The following LRRC8B variants were observed in gnomAD, a reference collection of about 807,000 sequenced individuals.
LRRC8B encodes the protein leucine rich repeat containing 8 VRAC subunit B.
Under a neutral mutation model 58.8 loss-of-function variants are expected in LRRC8B, and 23 were observed. The observed-to-expected ratio is 0.39, with a 90% CI of 0.28 to 0.55. The LOEUF is 0.55. Among genes scored for constraint, LRRC8B ranks in the 20% least tolerant of loss-of-function variants. The pLI is 0.62. For missense variants in LRRC8B, 694 were observed against 936.0 expected (o/e 0.74, Z 3.37); for synonymous variants, 359 against 374.1 (o/e 0.96, Z 0.47).
Position 89,584,000 on chromosome 1 carries a change from C to A in LRRC8B, c.1350C>A (p.Ile450=), listed in dbSNP as rs1012947829. The part of the protein sequence containing the change: ...TEMEVLSLEL[I]PEVKLPSAVS... Reference sequence around the variant, plus strand: ...TGGAAGTGCTAAGCCTGGAGCTTATCCCAGAGGTGAAGCTGCCCTCTGCAG... The same window carrying A: ...TGGAAGTGCTAAGCCTGGAGCTTATACCAGAGGTGAAGCTGCCCTCTGCAG... Residue 450 remains isoleucine (I), a synonymous_variant, in exon 5 of 6, where the codon ATC becomes ATA. Transcript: ENST00000330947. The surrounding 1 kb of genome is among the most constrained non-coding windows in gnomAD (Gnocchi z 5.2). 3.1e-6 allele frequency: 5 copies of A among 1,614,094 alleles called. No homozygotes were observed. Among genetic ancestry groups the A allele is most frequent in the Middle Eastern group, 1.6e-4 (1 of 6,082 alleles).
chr1:89,530,613 A>G (rs1369375981), intron 1 of LRRC8B, among the ~76,000 whole-genome samples: 5 of 152,266 alleles, frequency 3.3e-5, no homozygotes, highest in Non-Finnish European at 5.9e-5. Flanking sequence ...TTGAAACCAT[A>G]TGGCTGAATG....
chr1:89,536,834 T>G (rs1557592844), intron 1 of LRRC8B, among the ~76,000 whole-genome samples: 2 of 152,174 alleles, frequency 1.3e-5, no homozygotes, highest in Non-Finnish European at 2.9e-5. Context: ...GTCATGGTAT[T>G]CCAAGTTGTG....
chr1:89,568,883 A>G (rs1358891885), intron 3 of LRRC8B, among the ~76,000 whole-genome samples: 1 of 152,166 alleles, frequency 6.6e-6, no homozygotes, highest in African/African-American at 2.4e-5. Flanking sequence ...TTTTAATGCT[A>G]CCATAGATTT....
At chr1:89,558,735 T>C (rs1369227438) in intron 1 of LRRC8B, 2 of 152,290 alleles carry the variant, frequency 1.3e-5, no homozygotes, top group Non-Finnish European at 2.9e-5. Context: ...AGGTCCAAGA[T>C]CAAGATACTA....
chr1:89,578,579 C>T (rs1654015101), intron 3 of LRRC8B, among the ~76,000 whole-genome samples: 1 of 152,086 alleles, frequency 6.6e-6, no homozygotes, highest in South Asian at 2.1e-4. Context: ...ACTTGGTAAA[C>T]CCAAAGTAAG....
chr1:89,580,902 G>A (rs1439361493), intron 4 of LRRC8B, among the ~76,000 whole-genome samples: 1 of 152,120 alleles, frequency 6.6e-6, no homozygotes, highest in Non-Finnish European at 1.5e-5. Context: ...AATATGCTGA[G>A]GATGAGACTT....
chr1:89,529,567 A>G (rs978417256), intron 1 of LRRC8B, among the ~76,000 whole-genome samples: 1 of 152,208 alleles, frequency 6.6e-6, no homozygotes, highest in Non-Finnish European at 1.5e-5. Flanking sequence ...AAAGTGCTTA[A>G]TACTGTCCTC....
At position 89,530,431 on chromosome 1, in the gene LRRC8B, ACT is replaced by A. The variant is rs1314185058; in HGVS notation, c.-241+5411_-241+5412del. Among the ~76,000 whole-genome samples the A allele has an allele frequency of 7.2e-5, 11 of 152,038 alleles. No individual in the cohort carries two copies. The East Asian group carries it at 2.1e-3, about 29-fold the overall frequency. On this transcript the variant is annotated intron_variant, in intron 1 of 5. Coordinates refer to ENST00000330947, the MANE Select transcript of LRRC8B (RefSeq NM_001369817.2). ...TAATAATATAACTTCTCAATATGACACTCAGGAATAATCTAATTCTTTTACAG... is the reference window on the plus strand; with the variant it reads ...TAATAATATAACTTCTCAATATGACACAGGAATAATCTAATTCTTTTACAG...
Position 89,592,963 on chromosome 1 carries a change from C to G in LRRC8B, c.2332C>G (p.Leu778Val), listed in dbSNP as rs762493379. 3 of 1,614,132 alleles carry G rather than the reference C, an allele frequency of 1.9e-6. No individual in the cohort carries two copies. The highest frequency in any genetic ancestry group is 2.5e-6 in the Non-Finnish European group (3 of 1,180,004). ...EGCQSLKRNC[L>V]IVEENLLNTL... ...ATGTCAGTCCCTAAAACGGAACTGT[C>G]TGATTGTTGAGGAGAACTTGCTCAA... The change falls in exon 6 of 6, where the codon CTG becomes GTG. Residue 778 changes from leucine (L) to valine (V), a missense_variant. Transcript: ENST00000330947.
intron 1 of LRRC8B, among the ~76,000 whole-genome samples, chr1:89,538,309 A>G (rs1207045837): frequency 1.3e-5 from 2 of 152,214 alleles, no homozygotes; most frequent in African/African-American, 4.8e-5. Context: ...TGAAGTGGGA[A>G]GATTTCTCTT....
chr1:89,560,836 G>A (rs1020784803), intron 1 of LRRC8B, among the ~76,000 whole-genome samples: 20 of 151,938 alleles, frequency 1.3e-4, no homozygotes, highest in South Asian at 2.1e-4. Context: ...GAATAATGCC[G>A]CAATAAACAT....
chr1:89,531,760 C>G (rs562074255), intron 1 of LRRC8B, among the ~76,000 whole-genome samples: 38 of 152,336 alleles, frequency 2.5e-4, no homozygotes, highest in African/African-American at 8.9e-4. Context: ...GTTTTGCCCT[C>G]CGAACAGCCA....
intron 5 of LRRC8B, among the ~76,000 whole-genome samples, chr1:89,586,886 A>C (rs1654662413): frequency 1.3e-5 from 2 of 152,192 alleles, no homozygotes; most frequent in African/African-American, 4.8e-5. Context: ...ACTAAAACTC[A>C]TCAGAGGACA....
Position 89,596,388 on chromosome 1 carries a change from C to T in LRRC8B, c.*3345C>T, listed in dbSNP as rs957890562. On this transcript the variant is annotated 3_prime_UTR_variant, in exon 6 of 6. Transcript: ENST00000330947. The stretch of plus-strand genomic sequence containing the variant: ...CAGGGTAAATAGAGATCCTCAGTAT[C>T]TCAGTGCTGTGGCATAGCTCCAATA... 4.6e-5 allele frequency: 7 copies of T among 152,122 alleles called. No homozygotes were observed. The highest frequency in any genetic ancestry group is 4.8e-5 in the African/African-American group (2 of 41,454). 9.4% of individuals were successfully genotyped at this position (152,122 alleles called of 1,614,324 possible).
chr1:89,570,895 G>C (rs947083206), intron 3 of LRRC8B, among the ~76,000 whole-genome samples: 2 of 152,130 alleles, frequency 1.3e-5, no homozygotes, highest in African/African-American at 4.8e-5. Context: ...TTTTGTATAT[G>C]GTGTGAGGAA....
intron 3 of LRRC8B, among the ~76,000 whole-genome samples, chr1:89,574,911 C>T (rs969496460): frequency 6.6e-6 from 1 of 152,276 alleles, no homozygotes; most frequent in East Asian, 1.9e-4. Flanking sequence ...TTCGTTAAAA[C>T]GTCAAAAAGA....
At chr1:89,588,403 C>T (rs1654772624) in intron 5 of LRRC8B, among the ~76,000 whole-genome samples, 1 of 152,182 alleles carries the variant, frequency 6.6e-6, no homozygotes, top group Non-Finnish European at 1.5e-5. Context: ...TTGAGCAAGA[C>T]ACCTTTTTTT....
At chr1:89,536,983 G>C (rs1650585064) in intron 1 of LRRC8B, among the ~76,000 whole-genome samples, 1 of 152,122 alleles carries the variant, frequency 6.6e-6, no homozygotes, top group Non-Finnish European at 1.5e-5. Flanking sequence ...GAATCCTCAA[G>C]CTCATACCCC....
chr1:89,554,836 T>C (rs1220284672), intron 1 of LRRC8B, among the ~76,000 whole-genome samples: 1 of 152,194 alleles, frequency 6.6e-6, no homozygotes, highest in East Asian at 1.9e-4. Flanking sequence ...TGTAGTTTTC[T>C]TGGCACAGTC....
Sources: allele counts gnomAD v4.1 joint callset (sites outside exome capture counted in the v4.1 genomes callset), GRCh38; gene constraint gnomAD v4.1.1; non-coding constraint Gnocchi (gnomAD v3.1); transcripts MANE v1.5; gene names NCBI Gene and HGNC (gene_info 2026-07-23, HGNC 2026-07-21).